The following MTPAP variants were observed in gnomAD, a reference collection of about 807,000 sequenced individuals.
The protein encoded by MTPAP is mitochondrial poly(A) polymerase, also known as poly(A) RNA polymerase, mitochondrial.
Under a neutral mutation model 48.7 loss-of-function variants are expected in MTPAP, and 23 were observed. That is an observed-to-expected ratio of 0.47 (90% CI 0.34 to 0.67). The LOEUF (loss-of-function observed/expected upper bound fraction) is 0.67. Among genes scored for constraint, MTPAP ranks in the 30% least tolerant of loss-of-function variants. The pLI is 0.01. For synonymous variants in MTPAP, 257 were observed against 254.1 expected (o/e 1.01, Z -0.11); for missense variants, 614 against 694.3 (o/e 0.88, Z 1.30).
At chr10:30,333,013 C>T (rs1048049565) in intron 4 of MTPAP, among the ~76,000 whole-genome samples, 1 of 150,470 alleles carries the variant, frequency 6.6e-6, no homozygotes, top group Non-Finnish European at 1.5e-5. Flanking sequence ...CCCAGCTACT[C>T]GGGAGGCTGA....
chr10:30,326,572 G>C lies in MTPAP; in HGVS notation c.844C>G (p.Gln282Glu). ...KNVPSERIAT[Q>E]KILSVLGECL... ...TCTCCTAACACAGACAGGATCTTCT[G>C]AGTTGCAATTCTTTCTGAAGGAACA... The change falls in exon 5 of 9, where the codon CAG becomes GAG. Residue 282 changes from glutamine (Q) to glutamate (E), a missense_variant. Gln to Glu is a conservative substitution (Grantham distance 29). Around this residue, in one of 5 missense-constraint regions of MTPAP, gnomAD observed 261 missense variants for 355.4 expected, o/e 0.73. Transcript: ENST00000263063. 1 of 1,614,094 alleles carries C rather than the reference G, an allele frequency of 6.2e-7. No individual in the cohort carries two copies. Among genetic ancestry groups the C allele is most frequent in the South Asian group, 1.1e-5 (1 of 91,078 alleles).
Position 30,313,865 on chromosome 10 carries a change from A to G in MTPAP, c.1493T>C (p.Phe498Ser). The G allele has an allele frequency of 3.1e-6, 5 of 1,614,184 alleles. No homozygotes were observed. Among genetic ancestry groups the G allele is most frequent in the Non-Finnish European group, 3.4e-6 (4 of 1,180,034 alleles). ...KNVSQSQLQK[F>S]VDLARESAWI... is the part of the protein sequence containing the mutation. ...GGCACTTTCTCGGGCCAAATCTACA[A>G]ATTTTTGCAGCTGGCTTTGACTTAC... Residue 498 changes from phenylalanine to serine, a missense_variant, in exon 9 of 9, where the codon TTT (phenylalanine) becomes TCT (serine). Around this residue, in one of 5 missense-constraint regions of MTPAP, gnomAD observed 109 missense variants for 100.5 expected, o/e 1.08. Coordinates refer to ENST00000263063, the MANE Select transcript of MTPAP (RefSeq NM_018109.4).
At chr10:30,348,195 T>G (rs916801304) in intron 1 of MTPAP, among the ~76,000 whole-genome samples, 1 of 152,156 alleles carries the variant, frequency 6.6e-6, no homozygotes, top group Admixed American at 6.5e-5. Flanking sequence ...CTAAATACAA[T>G]CCAATCAATA....
chr10:30,341,336 AT>A, intron 2 of MTPAP, 131 bp downstream of exon 2: 1 of 1,149,618 alleles, frequency 8.7e-7, no homozygotes, highest in Admixed American at 3.0e-5. Flanking sequence ...AGAAATCTAG[AT>A]AAAGAAGATG....
intron 8 of MTPAP, among the ~76,000 whole-genome samples, chr10:30,314,218 T>C (rs1293335583): frequency 1.3e-5 from 2 of 151,976 alleles, no homozygotes; most frequent in Non-Finnish European, 2.9e-5. Context: ...GGGCTTATCA[T>C]CTATGGATGA....
intron 5 of MTPAP, among the ~76,000 whole-genome samples, chr10:30,323,819 G>A (rs1834543619): frequency 6.6e-6 from 1 of 152,174 alleles, no homozygotes. Context: ...CTAGAACTTA[G>A]AATTTTTAAA....
intron 5 of MTPAP, among the ~76,000 whole-genome samples, chr10:30,323,510 G>T (rs1564519656): frequency 6.7e-6 from 1 of 150,174 alleles, no homozygotes; most frequent in Non-Finnish European, 1.5e-5. Flanking sequence ...CTCAGAATAT[G>T]TATGTATTTA....
At chr10:30,331,695 G>A (rs933922204) in intron 4 of MTPAP, among the ~76,000 whole-genome samples, 6 of 152,080 alleles carry the variant, frequency 3.9e-5, no homozygotes, top group African/African-American at 1.4e-4. Context: ...GCCTCCTGAA[G>A]AGCTGGGATT....
rs1564524135 is a variant in MTPAP at position 30,341,518 on chromosome 10, ATTT to A, written c.277_279del (p.Lys93del). 6.2e-7 allele frequency: 1 copy of A among 1,613,980 alleles called. No homozygotes were observed. Among genetic ancestry groups the A allele is most frequent in the Admixed American group, 1.7e-5 (1 of 60,014 alleles). Reference sequence around the variant, plus strand: ...TTAATAGGTCCAAATTGGGATAAATATTTAAGAAACTTGTTTTCACTGATTTTC... The same window carrying A: ...TTAATAGGTCCAAATTGGGATAAATAAAGAAACTTGTTTTCACTGATTTTC... On this transcript the variant is annotated inframe_deletion, in exon 2 of 9. Coordinates refer to ENST00000263063, the MANE Select transcript of MTPAP (RefSeq NM_018109.4).
chr10:30,349,163 T>C lies in MTPAP; in HGVS notation c.113A>G (p.Lys38Arg), dbSNP rs761992983. Residue 38 changes from lysine (K) to arginine (R), a missense_variant, in exon 1 of 9, where the codon AAA becomes AGA. By Grantham distance (26) the Lys-to-Arg change is conservative. Around this residue, in one of 5 missense-constraint regions of MTPAP, gnomAD observed 125 missense variants for 111.5 expected, o/e 1.12. Coordinates refer to ENST00000263063, the MANE Select transcript of MTPAP (RefSeq NM_018109.4). The stretch of plus-strand genomic sequence containing the variant: ...AGGCTGCTCGTCTCTCCTAAGGTCT[T>C]TGGCCACAGTTCCTGGGCAACTCAA... ...RLLSCPGTVAKDLRRDEQPSG... is the reference protein window; with the variant it reads ...RLLSCPGTVARDLRRDEQPSG... 22 of 1,613,154 alleles carry C rather than the reference T, an allele frequency of 1.4e-5. No homozygotes were observed. The highest frequency in any genetic ancestry group is 1.9e-5 in the Non-Finnish European group (22 of 1,179,688).
At chr10:30,339,984 C>G (rs1020624540) in intron 3 of MTPAP, 3 of 529,486 alleles carry the variant, frequency 5.7e-6, no homozygotes, top group Non-Finnish European at 6.8e-6. Context: ...AATGTCAAAA[C>G]TCAACATCTA....
intron 6 of MTPAP, among the ~76,000 whole-genome samples, chr10:30,321,694 C>G (rs1840727657): frequency 6.6e-6 from 1 of 152,170 alleles, no homozygotes; most frequent in Non-Finnish European, 1.5e-5. Flanking sequence ...CAGGAAGATT[C>G]AAGAAGGCAC....
chr10:30,314,244 G>A (rs887447627), intron 8 of MTPAP, among the ~76,000 whole-genome samples: 3 of 151,498 alleles, frequency 2.0e-5, no homozygotes, highest in African/African-American at 4.8e-5. Context: ...TCATTGCTCA[G>A]AGAAGAGGTA....
rs1840575816 is a variant in MTPAP, at chr10:30,310,382, T to TC, written c.*3226dup. The TC allele has an allele frequency of 6.6e-6, 1 of 152,032 alleles. No individual in the cohort carries two copies. The highest frequency in any genetic ancestry group is 2.4e-5 in the African/African-American group (1 of 41,350). 9.4% of individuals were successfully genotyped at this position (152,032 alleles called of 1,614,324 possible). ...GGGCAGGTCACCTGAGGTCAGGAGT[T>TC]CGAGACCAGCCTGGCCAACAGAGTA... On this transcript the variant is annotated 3_prime_UTR_variant, in exon 9 of 9. Transcript: ENST00000263063.
intron 4 of MTPAP, among the ~76,000 whole-genome samples, chr10:30,327,234 T>C (rs1834608543): frequency 1.3e-5 from 2 of 151,716 alleles, no homozygotes; most frequent in African/African-American, 4.8e-5. Context: ...ACGTCTGTAA[T>C]CCTAGCACTT....
At chr10:30,331,463 T>C (rs1834664839) in intron 4 of MTPAP, among the ~76,000 whole-genome samples, 1 of 152,230 alleles carries the variant, frequency 6.6e-6, no homozygotes, top group South Asian at 2.1e-4. Flanking sequence ...GTTTAGGATT[T>C]TGTGCTAACA....
Position 30,327,333 on chromosome 10 carries a change from C to CAA in MTPAP, c.781-700_781-699dup, listed in dbSNP as rs34178588. On this transcript the variant is annotated intron_variant, in intron 4 of 8. Coordinates refer to ENST00000263063, the MANE Select transcript of MTPAP (RefSeq NM_018109.4). ...TGAAACCCCATCTCTTTTAAAAATACAAAAAAAAAAAAAAAATTAGCCAAG... is the reference window on the plus strand; with the variant it reads ...TGAAACCCCATCTCTTTTAAAAATACAAAAAAAAAAAAAAAAAATTAGCCAAG... Among the ~76,000 whole-genome samples, 50 of 127,250 alleles carry CAA rather than the reference C, an allele frequency of 3.9e-4. 1 individual carries two copies. Among genetic ancestry groups the CAA allele is most frequent in the South Asian group, 2.7e-3 (11 of 4,074 alleles). 83.5% of individuals were successfully genotyped at this position (127,250 alleles called of 152,430 possible). A position where few individuals can be genotyped will look rare whatever the true frequency, so the allele number is the denominator to read the frequency against.
At chr10:30,318,323 T>C (rs1049842834) in intron 6 of MTPAP, among the ~76,000 whole-genome samples, 1 of 152,242 alleles carries the variant, frequency 6.6e-6, no homozygotes, top group Admixed American at 6.5e-5. Flanking sequence ...TAGCACATTT[T>C]ACGTGCTCTA....
chr10:30,313,504 T>G lies in MTPAP; in HGVS notation c.*105A>C, dbSNP rs984628588. On this transcript the variant is annotated 3_prime_UTR_variant, in exon 9 of 9. Coordinates refer to ENST00000263063, the MANE Select transcript of MTPAP (RefSeq NM_018109.4). ...AATGAGAAGATCATGAAAAGTGACATCAGATGAAAGCTGAGATCTGTGAAA... is the reference window on the plus strand; with the variant it reads ...AATGAGAAGATCATGAAAAGTGACAGCAGATGAAAGCTGAGATCTGTGAAA... 6.8e-7 allele frequency: 1 copy of G among 1,462,954 alleles called. No individual in the cohort carries two copies. The highest frequency in any genetic ancestry group is 9.5e-7 in the Non-Finnish European group (1 of 1,052,780). The allele number at this position is 1,462,954 out of a possible 1,614,324, so 90.6% of individuals were successfully genotyped here. A position where few individuals can be genotyped will look rare whatever the true frequency, so the allele number is the denominator to read the frequency against.
Sources: allele counts gnomAD v4.1 joint callset (sites outside exome capture counted in the v4.1 genomes callset), GRCh38; gene constraint gnomAD v4.1.1; regional missense constraint gnomAD v4.1.1; transcripts MANE v1.5; gene names NCBI Gene and HGNC (gene_info 2026-07-23, HGNC 2026-07-21).